Variants in SLC44A2 observed in about 807,000 individuals in gnomAD.
SLC44A2 encodes solute carrier family 44 member 2 (CTL2 blood group).
A neutral mutation model predicts 90.8 loss-of-function variants in SLC44A2; 57 were observed. The observed-to-expected ratio is 0.63, with a 90% CI of 0.51 to 0.78. The LOEUF (loss-of-function observed/expected upper bound fraction) is 0.78. Ranked by LOEUF, SLC44A2 falls within the 30% of genes least tolerant of loss-of-function variation. The probability of loss-of-function intolerance (pLI) is 0.00; values close to 1 mark genes in which losing one functional copy is unlikely to be tolerated. For missense variants in SLC44A2, 794 were observed against 919.7 expected (o/e 0.86, Z 1.77); for synonymous variants, 355 against 360.7 (o/e 0.98, Z 0.18).
intron 1 of SLC44A2, among the ~76,000 whole-genome samples, chr19:10,603,401 A>G (rs1397339162): frequency 6.6e-6 from 1 of 152,122 alleles, no homozygotes; most frequent in Non-Finnish European, 1.5e-5. Flanking sequence ...GCCCCACGTG[A>G]TACTACCCTG....
At chr19:10,625,389 A>C, upstream of SLC44A2, 134 of 976,442 alleles carry the variant, frequency 1.4e-4, no homozygotes, top group East Asian at 2.8e-4. Context: ...GGGGCGGGGA[A>C]GGCTAAATGC....
chr19:10,630,659 TAA>T (rs56803247), intron 4 of SLC44A2, among the ~76,000 whole-genome samples: 9 of 130,070 alleles, frequency 6.9e-5, no homozygotes, highest in Non-Finnish European at 6.4e-5. Context: ...GGACTCCATC[TAA>T]AAAAAAAAAA....
At chr19:10,614,971 A>G (rs1472144549) in intron 1 of SLC44A2, among the ~76,000 whole-genome samples, 90 of 117,240 alleles carry the variant, frequency 7.7e-4, no homozygotes, top group African/African-American at 2.9e-3. Flanking sequence ...ACTCCGTCTC[A>G]AAAAAAAAAA....
At chr19:10,633,243 C>A (rs2144865678) in intron 10 of SLC44A2, among the ~76,000 whole-genome samples, 1 of 152,102 alleles carries the variant, frequency 6.6e-6, no homozygotes, top group Middle Eastern at 3.4e-3. Flanking sequence ...CGGCTCACTG[C>A]AATCTCTGCC....
At chr19:10,626,146 T>A (rs2066930754) in intron 1 of SLC44A2, 107 bp from the exon 2 acceptor site, 1 of 904,334 alleles carries the variant, frequency 1.1e-6, no homozygotes, top group Non-Finnish European at 1.8e-6. Flanking sequence ...TGAATTTTAT[T>A]CTTGCCAAGG....
chr19:10,628,541 G>T (rs545799525), intron 4 of SLC44A2, among the ~76,000 whole-genome samples: 2 of 152,318 alleles, frequency 1.3e-5, no homozygotes, highest in Admixed American at 6.5e-5. Flanking sequence ...GACAGAGCGA[G>T]ACCTGGTCTC....
chr19:10,610,225 C>G (rs994682414), intron 1 of SLC44A2, among the ~76,000 whole-genome samples: 11 of 151,370 alleles, frequency 7.3e-5, no homozygotes, highest in African/African-American at 9.7e-5. Context: ...ATATATATGA[C>G]AGATGATATG....
At chr19:10,610,623 G>T (rs557667829) in intron 1 of SLC44A2, among the ~76,000 whole-genome samples, 2 of 133,148 alleles carry the variant, frequency 1.5e-5, no homozygotes, top group African/African-American at 6.0e-5. Context: ...GTGAGCCACC[G>T]CGCCTGGCTT....
intron 1 of SLC44A2, among the ~76,000 whole-genome samples, chr19:10,604,606 G>A (rs1481923550): frequency 6.6e-6 from 1 of 152,106 alleles, no homozygotes; most frequent in East Asian, 1.9e-4. Context: ...ACAAACCTAG[G>A]CTCAAATCCT....
In SLC44A2 at chr19:10,636,331, C is replaced by A; in HGVS notation, c.1242C>A (p.Pro414=). 6.2e-7 allele frequency: 1 copy of A among 1,611,192 alleles called. No individual in the cohort carries two copies. The highest frequency in any genetic ancestry group is 1.3e-5 in the African/African-American group (1 of 74,896). ...TAKTCNPETF[P]SSNESRQCPN... is the part of the protein sequence containing the mutation. ...TCCCTTCTCTCCCACAGACCTTCCC[C>A]TCCTCCAATGAGTCCCGCCAATGCC... The change falls in exon 15 of 22, where the codon CCC becomes CCA. Residue 414 remains proline (P), a synonymous_variant. Transcript: ENST00000335757.
chr19:10,637,799 G>T, intron 17 of SLC44A2, 52 bp downstream of exon 17: 1 of 1,612,748 alleles, frequency 6.2e-7, no homozygotes, highest in Non-Finnish European at 8.5e-7. Context: ...CTGGGTGAGA[G>T]GACCACCCCC....
Position 10,615,081 on chromosome 19 carries a change from A to C in SLC44A2, c.32-11172A>C, listed in dbSNP as rs534410448. Among the ~76,000 whole-genome samples the C allele has an allele frequency of 2.1e-3, 325 of 151,670 alleles. 2 individuals carry two copies. Among genetic ancestry groups the C allele is most frequent in the African/African-American group, 7.4e-3 (308 of 41,426 alleles). ...TTCCTTTTAAGGGAAAAAATATTAAAATGTAAGGAAAAGAAAATACATTTA... is the reference window on the plus strand; with the variant it reads ...TTCCTTTTAAGGGAAAAAATATTAACATGTAAGGAAAAGAAAATACATTTA... On this transcript the variant is annotated intron_variant, in intron 1 of 21. Coordinates refer to the SLC44A2 transcript ENST00000407327.
intron 16 of SLC44A2, among the ~76,000 whole-genome samples, chr19:10,637,375 T>C (rs1690680354): frequency 6.6e-6 from 1 of 152,056 alleles, no homozygotes; most frequent in African/African-American, 2.4e-5. Context: ...AAAACTGGTT[T>C]ATTTTTCTTA....
chr19:10,626,062 T>G (rs922313125), intron 1 of SLC44A2, among the ~76,000 whole-genome samples, 191 bp from the exon 2 acceptor site: 2 of 152,204 alleles, frequency 1.3e-5, no homozygotes, highest in African/African-American at 4.8e-5. Flanking sequence ...TCCTCCCCTG[T>G]CCTGGCCTGC....
intron 1 of SLC44A2, chr19:10,602,583 G>A: frequency 7.9e-7 from 1 of 1,266,180 alleles, no homozygotes; most frequent in Non-Finnish European, 1.0e-6. Context: ...CTCCGGTCAG[G>A]GGCCGCCTCT....
At chr19:10,617,212 G>A (rs1226478145) in intron 1 of SLC44A2, among the ~76,000 whole-genome samples, 2 of 152,082 alleles carry the variant, frequency 1.3e-5, no homozygotes, top group African/African-American at 2.4e-5. Flanking sequence ...GAGCAACCAC[G>A]CCCAGCCCTT....
chr19:10,634,741 G>T lies in SLC44A2; in HGVS notation c.824-15G>T. On this transcript the variant is annotated splice_polypyrimidine_tract_variant and intron_variant, in intron 10 of 21. Transcript: ENST00000335757. ...GGAGGCACTGCTGGACTGAGCTTGT[G>T]GTTCCCCCATGCAGGAATATTTCAC... is the stretch of plus-strand genomic sequence containing the variant. 13 of 1,614,128 alleles carry T rather than the reference G, an allele frequency of 8.1e-6. No individual in the cohort carries two copies. Among genetic ancestry groups the T allele is most frequent in the Non-Finnish European group, 1.1e-5 (13 of 1,180,024 alleles).
At chr19:10,609,759 C>T (rs558395344) in intron 1 of SLC44A2, among the ~76,000 whole-genome samples, 1 of 152,110 alleles carries the variant, frequency 6.6e-6, no homozygotes, top group Admixed American at 6.6e-5. Context: ...GCCACCATGC[C>T]CAGCCCATAA....
intron 1 of SLC44A2, among the ~76,000 whole-genome samples, chr19:10,616,856 C>T (rs1274117392): frequency 6.6e-6 from 1 of 152,162 alleles, no homozygotes; most frequent in East Asian, 1.9e-4. Context: ...CATCCTCCCA[C>T]CTCAGTCTCC....
Sources: gnomAD v4.1 joint callset for allele counts (sites outside exome capture counted in the v4.1 genomes callset) on GRCh38, gnomAD v4.1.1 for gene constraint, MANE v1.5 for transcripts, NCBI Gene and HGNC (gene_info 2026-07-23, HGNC 2026-07-21) for gene names.